Variants in PRRG1 observed in about 807,000 individuals in gnomAD.
PRRG1 encodes transmembrane gamma-carboxyglutamic acid protein 1.
Under a neutral mutation model 11.8 loss-of-function variants are expected in PRRG1, and 5 were observed. That is an observed-to-expected ratio of 0.42 (90% confidence interval 0.22 to 0.89). The LOEUF (loss-of-function observed/expected upper bound fraction) is 0.89. Ranked by LOEUF, PRRG1 falls within the 40% of genes least tolerant of loss-of-function variation. PRRG1 has a pLI of 0.28. For missense variants in PRRG1, 155 were observed against 166.1 expected (o/e 0.93, Z 0.37); for synonymous variants, 66 against 60.4 (o/e 1.09, Z -0.43).
At chrX:37,424,851 A>G (rs1038768822) in intron 2 of PRRG1, among the ~76,000 whole-genome samples, 1 of 111,714 alleles carries the variant, frequency 9.0e-6, no homozygotes, top group Non-Finnish European at 1.9e-5. Flanking sequence ...TTAAAAGAGC[A>G]CATAAAAAGT....
At chrX:37,432,244 C>T (rs966065022) in intron 3 of PRRG1, among the ~76,000 whole-genome samples, 11 of 110,581 alleles carry the variant, frequency 9.9e-5, no homozygotes, top group African/African-American at 2.3e-4. Flanking sequence ...CCTGCCACCA[C>T]GCCCGGCTAA....
chrX:37,447,732 A>G (rs1556395569), intron 3 of PRRG1, among the ~76,000 whole-genome samples: 1 of 112,481 alleles, frequency 8.9e-6, no homozygotes, highest in South Asian at 3.7e-4. Context: ...TAGGATGATT[A>G]CTTTTAAATC....
intron 1 of PRRG1, among the ~76,000 whole-genome samples, chrX:37,370,372 C>T (rs782684405): frequency 9.4e-4 from 105 of 111,888 alleles, no homozygotes; most frequent in Non-Finnish European, 1.7e-3. Context: ...GAATTGATGG[C>T]GCAGTGGCCC....
chrX:37,350,054 G>C lies in PRRG1; in HGVS notation c.-42+659G>C, dbSNP rs1247040033. ...TGCGGCCCTGGGGGATGGGAGAGCG[G>C]GGGGAGGGGGAGGCGGCGTGGGGGG... On this transcript the variant is annotated intron_variant, in intron 1 of 3. Transcript: ENST00000378628. Among the ~76,000 whole-genome samples the C allele has an allele frequency of 5.7e-5, 6 of 105,058 alleles. No homozygotes were observed. The East Asian group carries it at 1.5e-3, about 27-fold the overall frequency. The allele number at this position is 105,058 out of a possible 115,157, so 91.2% of individuals were successfully genotyped here.
intron 3 of PRRG1, among the ~76,000 whole-genome samples, chrX:37,438,964 G>A (rs1556392777): frequency 8.9e-6 from 1 of 111,745 alleles, no homozygotes; most frequent in Non-Finnish European, 1.9e-5. Flanking sequence ...GTCCCCTCTA[G>A]GGCAGGACAT....
intron 2 of PRRG1, among the ~76,000 whole-genome samples, chrX:37,423,673 TA>T (rs1320979093): frequency 9.1e-6 from 1 of 110,045 alleles, no homozygotes; most frequent in East Asian, 2.8e-4. Context: ...CCAGCCAAAA[TA>T]TTTTTTTTAA....
chrX:37,413,175 A>G (rs1033104522), intron 2 of PRRG1, among the ~76,000 whole-genome samples: 3 of 111,229 alleles, frequency 2.7e-5, no homozygotes. Context: ...AATTTACATT[A>G]GGGTTCACTC....
intron 1 of PRRG1, among the ~76,000 whole-genome samples, chrX:37,393,297 T>C (rs1294623407): frequency 1.9e-5 from 2 of 107,093 alleles, no homozygotes; most frequent in Non-Finnish European, 3.8e-5. Context: ...ATTATGTTAA[T>C]GTATAATATA....
At chrX:37,400,033 G>A (rs1468467725) in intron 1 of PRRG1, among the ~76,000 whole-genome samples, 1 of 111,032 alleles carries the variant, frequency 9.0e-6, no homozygotes, top group African/African-American at 3.3e-5. Flanking sequence ...AATAATAATG[G>A]GAGACTTTAA....
chrX:37,369,971 A>G (rs1930714687), intron 1 of PRRG1, among the ~76,000 whole-genome samples: 1 of 111,005 alleles, frequency 9.0e-6, no homozygotes, highest in Non-Finnish European at 1.9e-5. Context: ...TTTTTTAATA[A>G]ATTACCCAGT....
intron 2 of PRRG1, among the ~76,000 whole-genome samples, chrX:37,418,865 T>TAG (rs1982740726): frequency 2.7e-5 from 3 of 111,909 alleles, no homozygotes; most frequent in Non-Finnish European, 5.6e-5. Context: ...CCCCTTTTGC[T>TAG]TTCTAGTTTT....
chrX:37,429,062 A>T (rs376564628), intron 3 of PRRG1, among the ~76,000 whole-genome samples: 3 of 112,359 alleles, frequency 2.7e-5, no homozygotes, highest in South Asian at 7.4e-4. Context: ...CCTAGGCTGC[A>T]CACAGCATGG....
At chrX:37,405,076 C>T (rs1455549865) in intron 1 of PRRG1, among the ~76,000 whole-genome samples, 6 of 111,872 alleles carry the variant, frequency 5.4e-5, no homozygotes, top group Non-Finnish European at 1.1e-4. Context: ...ATAAAGAAAC[C>T]TGATTAAATT....
rs781906867 is a variant in PRRG1, at chrX:37,378,171, A to G, written c.-41-28038A>G. On this transcript the variant is annotated intron_variant, in intron 1 of 3. Transcript: ENST00000378628. ...ATTCTGAAAGATTATAATTTAATGG[A>G]TGTTTGTTTTATTCTTCTGAGGACC... 4.4e-4 allele frequency among the ~76,000 whole-genome samples: 49 copies of G among 112,073 alleles called. 1 individual carries two copies. The highest frequency in any genetic ancestry group is 8.3e-4 in the Non-Finnish European group (44 of 53,079).
At chrX:37,376,187 A>G (rs1395830092) in intron 1 of PRRG1, among the ~76,000 whole-genome samples, 1 of 110,494 alleles carries the variant, frequency 9.1e-6, no homozygotes. Context: ...TTCATTGATG[A>G]TAACCAGTTT....
In PRRG1 at chrX:37,358,856, A is replaced by G. The variant is rs1405352031; in HGVS notation, c.-42+9461A>G. On this transcript the variant is annotated intron_variant, in intron 1 of 3. Transcript: ENST00000378628. The stretch of plus-strand genomic sequence containing the variant: ...GAGTCTTCCTATTCGTGAACATGGG[A>G]TATCTTTCCATTTATTTAGTCTTGA... Among the ~76,000 whole-genome samples the G allele has an allele frequency of 2.7e-5, 3 of 111,814 alleles. No individual in the cohort carries two copies. In the Admixed American group the frequency reaches 2.8e-4, roughly 11 times the overall value.
Position 37,404,942 on chromosome X carries a change from C to A in PRRG1, c.-41-1267C>A, listed in dbSNP as rs1027266757. Among the ~76,000 whole-genome samples, 7 of 111,742 alleles carry A rather than the reference C, an allele frequency of 6.3e-5. No individual in the cohort carries two copies. The East Asian group carries it at 1.7e-3, about 27-fold the overall frequency. On this transcript the variant is annotated intron_variant, in intron 1 of 3. Transcript: ENST00000378628. Reference sequence around the variant, plus strand: ...CTTGTCCAGTTTTCCAAAATGAGCTCCAAAGAACAAGACTCCTGAGAAACG... The same window carrying A: ...CTTGTCCAGTTTTCCAAAATGAGCTACAAAGAACAAGACTCCTGAGAAACG...
At chrX:37,376,551 G>GCATATATATATATATATATA (rs1556372317) in intron 1 of PRRG1, among the ~76,000 whole-genome samples, 4 of 26,911 alleles carry the variant, frequency 1.5e-4, no homozygotes, top group Admixed American at 7.9e-4. Flanking sequence ...AAATGTGAGT[G>GCATATATATATATATATATA]TATATATATA....
At chrX:37,401,483 C>T (rs1262492267) in intron 1 of PRRG1, among the ~76,000 whole-genome samples, 1 of 110,405 alleles carries the variant, frequency 9.1e-6, no homozygotes, top group Non-Finnish European at 1.9e-5. Context: ...TGGGACGTAT[C>T]TCAAAATAAT....
Sources: allele counts gnomAD v4.1 joint callset (sites outside exome capture counted in the v4.1 genomes callset), GRCh38; gene constraint gnomAD v4.1.1; transcripts MANE v1.5; gene names NCBI Gene and HGNC (gene_info 2026-07-23, HGNC 2026-07-21).